EVC: variants seen among roughly 807,000 people sequenced by gnomAD.
EVC encodes EvC ciliary complex subunit 1, also known as evC complex member EVC.
EVC carries 116 observed loss-of-function variants against 118.9 expected under a neutral mutation model. The observed-to-expected ratio is 0.98, with a 90% CI of 0.84 to 1.14. The LOEUF (loss-of-function observed/expected upper bound fraction) is 1.14, where lower values mean the gene tolerates loss of function less well. EVC is among the 50% of genes most tolerant of loss of function. The pLI is 0.00. For synonymous variants in EVC, 619 were observed against 534.7 expected, an observed-to-expected ratio of 1.16 and a Z score of -2.18; for missense variants, 1,401 against 1,246.4, an observed-to-expected ratio of 1.12 and a Z score of -1.87.
Position 5,754,329 on chromosome 4 carries a change from C to G in EVC, c.1464+396C>G, listed in dbSNP as rs981105190. ...ACCCAGGGACAGGGCCCTTGTGGGT[C>G]GGCTGCAAGTCCAGGAGAAGGAAGG... On this transcript the variant is annotated intron_variant, in intron 10 of 20. Transcript: ENST00000264956. This position sits in a 1 kb window ranked among gnomAD's most constrained non-coding sequence, Gnocchi z 5.8. Among the ~76,000 whole-genome samples, 2 of 152,074 alleles carry G rather than the reference C, an allele frequency of 1.3e-5. No homozygotes were observed. Among genetic ancestry groups the G allele is most frequent in the Admixed American group, 6.5e-5 (1 of 15,272 alleles).
In EVC at chr4:5,755,791, G is replaced by C. The variant is rs1383872898; in HGVS notation, c.1465-473G>C. Among the ~76,000 whole-genome samples, 1 of 152,154 alleles carries C rather than the reference G, an allele frequency of 6.6e-6. No individual in the cohort carries two copies. Among genetic ancestry groups the C allele is most frequent in the Middle Eastern group, 3.2e-3 (1 of 316 alleles). ...TGGGTCTCCCCCTGCTGATGCCCGG[G>C]TTAGCCCAGTCTCCTGCTGCTCTGC... is the stretch of plus-strand genomic sequence containing the variant. On this transcript the variant is annotated intron_variant, in intron 10 of 20. Coordinates refer to ENST00000264956, the MANE Select transcript of EVC (RefSeq NM_153717.3). This position sits in a 1 kb window ranked among gnomAD's most constrained non-coding sequence, Gnocchi z 4.1.
intron 11 of EVC, among the ~76,000 whole-genome samples, chr4:5,782,355 G>A (rs772805772): frequency 1.3e-5 from 2 of 149,144 alleles, no homozygotes; most frequent in African/African-American, 2.5e-5. Flanking sequence ...GATTACAAGC[G>A]TGAGCCACCA....
intron 11 of EVC, among the ~76,000 whole-genome samples, chr4:5,763,377 G>A (rs1367382916): frequency 6.8e-6 from 1 of 147,152 alleles, no homozygotes; most frequent in South Asian, 2.2e-4. Context: ...TTGACTTGGC[G>A]ATGTGGGCTC....
At chr4:5,736,428 G>A (rs1300203629) in intron 5 of EVC, among the ~76,000 whole-genome samples, 1 of 152,108 alleles carries the variant, frequency 6.6e-6, no homozygotes, top group Non-Finnish European at 1.5e-5. Flanking sequence ...ACCACCCCTG[G>A]GGGAGGAGCA....
chr4:5,798,780 G>T lies in EVC; in HGVS notation c.2292G>T (p.Arg764Ser). The part of the protein sequence containing the change: ...NAATKSRAKD[R>S]DDFKRTLMEA... ...CCACCAAGAGCCGGGCCAAGGACAG[G>T]GATGACTTCAAGGTATGCACTGACC... Residue 764 changes from arginine (R) to serine (S), a missense_variant, in exon 15 of 21, where the codon AGG becomes AGT. Arg to Ser is a moderately radical substitution (Grantham distance 110). Coordinates refer to ENST00000264956, the MANE Select transcript of EVC (RefSeq NM_153717.3). The surrounding 1 kb of genome is among the most constrained non-coding windows in gnomAD (Gnocchi z 4.1). 1 of 1,610,970 alleles carries T rather than the reference G, an allele frequency of 6.2e-7. No homozygotes were observed. Among genetic ancestry groups the T allele is most frequent in the Non-Finnish European group, 8.5e-7 (1 of 1,179,908 alleles).
intron 11 of EVC, among the ~76,000 whole-genome samples, chr4:5,764,578 G>A (rs1306911509): frequency 3.6e-4 from 54 of 150,710 alleles, no homozygotes; most frequent in Non-Finnish European, 2.4e-4. Context: ...CACAACTTCA[G>A]CTCCTGTTAT....
the EVC span, chr4:5,828,317 T>C: frequency 1.0e-5 from 10 of 984,948 alleles, no homozygotes; most frequent in Non-Finnish European, 1.2e-5. Flanking sequence ...TGCTCACTCC[T>C]GTCCTCAGAC....
intron 2 of EVC, among the ~76,000 whole-genome samples, chr4:5,727,029 T>C (rs1442086818): frequency 3.3e-5 from 5 of 152,244 alleles, no homozygotes; most frequent in South Asian, 2.1e-4. Flanking sequence ...CCGCAATAAA[T>C]ATACATGTGC....
At chr4:5,748,376 C>T in intron 8 of EVC, 70 bp downstream of exon 8, 2 of 1,551,010 alleles carry the variant, frequency 1.3e-6, no homozygotes, top group Non-Finnish European at 1.8e-6. Flanking sequence ...TGAGGCTTGA[C>T]ATCCTTAAAT....
At chr4:5,806,501 C>T (rs567422555) in intron 17 of EVC, among the ~76,000 whole-genome samples, 4 of 152,268 alleles carry the variant, frequency 2.6e-5, no homozygotes, top group African/African-American at 2.4e-5. Context: ...GTTCCATCCA[C>T]GTTGCTGTAA....
intron 2 of EVC, among the ~76,000 whole-genome samples, chr4:5,723,364 AT>A (rs201680168): frequency 0.018 from 2,700 of 151,728 alleles, 35 homozygotes; most frequent in Non-Finnish European, 0.028. Context: ...TAATTTGTGT[AT>A]TTTTTAGTAG....
intron 11 of EVC, among the ~76,000 whole-genome samples, chr4:5,777,493 C>T (rs1056412029): frequency 1.3e-5 from 2 of 152,168 alleles, no homozygotes; most frequent in Non-Finnish European, 2.9e-5. Context: ...TCAACCAACA[C>T]TCCCTAGGTA....
chr4:5,781,342 C>T (rs1371677658), intron 11 of EVC, among the ~76,000 whole-genome samples: 2 of 152,046 alleles, frequency 1.3e-5, no homozygotes. Context: ...GAGCTGTGGT[C>T]TAGGGGAATG....
the EVC span, chr4:5,824,836 C>T: frequency 3.0e-6 from 3 of 985,356 alleles, no homozygotes; most frequent in Non-Finnish European, 3.6e-6. Context: ...TCAACGTGTG[C>T]GTGCCTGCCC....
chr4:5,824,644 C>G, the EVC span: 2 of 942,044 alleles, frequency 2.1e-6, no homozygotes, highest in Non-Finnish European at 2.5e-6. Flanking sequence ...TTTCAAATGG[C>G]TATTGAATAT....
chr4:5,822,079 G>T, the EVC span, among the ~76,000 whole-genome samples: 1 of 152,206 alleles, frequency 6.6e-6, no homozygotes, highest in South Asian at 2.1e-4. Context: ...ACCACCTTGT[G>T]GTGTTCTTGT....
chr4:5,758,098 T>A (rs1394184570), intron 11 of EVC: 1 of 702,194 alleles, frequency 1.4e-6, no homozygotes, highest in Non-Finnish European at 2.6e-6. Context: ...TGAGAAGACA[T>A]AGAGACACAG....
chr4:5,721,728 G>T (rs537242405), intron 2 of EVC, among the ~76,000 whole-genome samples: 1 of 152,222 alleles, frequency 6.6e-6, no homozygotes, highest in South Asian at 2.1e-4. Context: ...TCAGCTGGGT[G>T]TGGTGGTGCA....
the EVC span, among the ~76,000 whole-genome samples, chr4:5,819,611 T>G: frequency 6.6e-6 from 1 of 152,126 alleles, no homozygotes; most frequent in South Asian, 2.1e-4. Flanking sequence ...TTAGAGAAGG[T>G]GCTAGGGCTG....
Sources: allele counts gnomAD v4.1 joint callset (sites outside exome capture counted in the v4.1 genomes callset), GRCh38; gene constraint gnomAD v4.1.1; non-coding constraint Gnocchi (gnomAD v3.1); transcripts MANE v1.5; gene names NCBI Gene and HGNC (gene_info 2026-07-23, HGNC 2026-07-21).